The following IQGAP2 variants were observed in gnomAD, a reference collection of about 807,000 sequenced individuals.
The protein encoded by IQGAP2 is ras GTPase-activating-like protein IQGAP2.
Under a neutral mutation model 201.3 loss-of-function variants are expected in IQGAP2, and 173 were observed. The observed-to-expected ratio is 0.86, with a 90% CI of 0.76 to 0.98. The LOEUF is 0.98. Ranked by LOEUF, IQGAP2 falls within the 50% of genes least tolerant of loss-of-function variation. The pLI, the probability that IQGAP2 is intolerant of heterozygous loss-of-function variation, is 0.00. For missense variants in IQGAP2, 1,687 were observed against 1,864.8 expected, an observed-to-expected ratio of 0.90 and a Z score of 1.76; for synonymous variants, 675 against 673.9, an observed-to-expected ratio of 1.00 and a Z score of -0.03.
At chr5:76,686,762 G>T (rs1745800724) in intron 30 of IQGAP2, among the ~76,000 whole-genome samples, 2 of 152,128 alleles carry the variant, frequency 1.3e-5, no homozygotes, top group Non-Finnish European at 2.9e-5. Context: ...GCCCACCTCA[G>T]CCTCCCAAAG....
At chr5:76,534,079 A>G (rs1759484953) in intron 2 of IQGAP2, among the ~76,000 whole-genome samples, 1 of 152,172 alleles carries the variant, frequency 6.6e-6, no homozygotes, top group Non-Finnish European at 1.5e-5. Flanking sequence ...TCATGCTGTA[A>G]TAGTTGACAT....
chr5:76,684,058 C>T, intron 30 of IQGAP2, 141 bp downstream of exon 30: 1 of 643,224 alleles, frequency 1.6e-6, no homozygotes, highest in South Asian at 4.0e-5. Flanking sequence ...AAACATCTAA[C>T]CAAAGGATAA....
chr5:76,435,852 G>A (rs1273976042), intron 1 of IQGAP2, among the ~76,000 whole-genome samples: 1 of 152,122 alleles, frequency 6.6e-6, no homozygotes, highest in Non-Finnish European at 1.5e-5. Flanking sequence ...TATCATCTGT[G>A]ATTTCTTTCA....
At chr5:76,529,971 A>C (rs1192233734) in intron 2 of IQGAP2, among the ~76,000 whole-genome samples, 1 of 152,164 alleles carries the variant, frequency 6.6e-6, no homozygotes, top group East Asian at 1.9e-4. Context: ...TAAGAAGCTC[A>C]GTGGTTGCTT....
At chr5:76,604,478 T>C (rs1747661536) in intron 11 of IQGAP2, among the ~76,000 whole-genome samples, 1 of 152,024 alleles carries the variant, frequency 6.6e-6, no homozygotes, top group Non-Finnish European at 1.5e-5. Context: ...TGATTTATAA[T>C]CATATAATGG....
chr5:76,524,475 T>G (rs1211270767), intron 2 of IQGAP2, among the ~76,000 whole-genome samples: 2 of 152,190 alleles, frequency 1.3e-5, no homozygotes, highest in African/African-American at 2.4e-5. Flanking sequence ...CAGTGATATA[T>G]AAGCAAAAAT....
chr5:76,618,927 A>G (rs2069681), intron 13 of IQGAP2, among the ~76,000 whole-genome samples: 13,111 of 152,284 alleles, frequency 0.086, 1,038 homozygotes, highest in Admixed American at 0.2. Flanking sequence ...CATTATAGGC[A>G]TGTTGACTAC....
At position 76,674,565 on chromosome 5, in the gene IQGAP2, G is replaced by A. The variant is rs750424463; in HGVS notation, c.3383G>A (p.Gly1128Asp). ...GFDIIDMTAG[G>D]QINSDQRRNL... Reference sequence around the variant, plus strand: ...GATATCATCGACATGACAGCTGGAGGTCAGATAAATTCTGACCAAAGGAGA... The same window carrying A: ...GATATCATCGACATGACAGCTGGAGATCAGATAAATTCTGACCAAAGGAGA... The change falls in exon 27 of 36, where the codon GGT (glycine) becomes GAT (aspartate). Residue 1128 changes from glycine (G) to aspartate (D), a missense_variant. By Grantham distance (94) the Gly-to-Asp change is moderately conservative. Coordinates refer to ENST00000274364, the MANE Select transcript of IQGAP2 (RefSeq NM_006633.5). 19 of 1,614,086 alleles carry A rather than the reference G, an allele frequency of 1.2e-5. No homozygotes were observed. Among genetic ancestry groups the A allele is most frequent in the Non-Finnish European group, 1.5e-5 (18 of 1,179,976 alleles).
intron 12 of IQGAP2, among the ~76,000 whole-genome samples, chr5:76,610,692 C>T (rs1184845360): frequency 1.3e-5 from 2 of 152,046 alleles, no homozygotes; most frequent in Admixed American, 6.5e-5. Flanking sequence ...TGAACATTGG[C>T]TCTTTTCATT....
intron 21 of IQGAP2, 80 bp from the exon 22 acceptor site, chr5:76,664,946 G>T (rs959512214): frequency 3.8e-6 from 3 of 796,622 alleles, no homozygotes; most frequent in Non-Finnish European, 6.2e-6. Flanking sequence ...CCAATTACGT[G>T]TGTTTCAATC....
rs1308473061 is a variant in IQGAP2, at chr5:76,597,466, C to G, written c.935C>G (p.Ala312Gly). Residue 312 changes from alanine (A) to glycine (G), a missense_variant, in exon 10 of 36, where the codon GCT becomes GGT. Transcript: ENST00000274364. Reference protein sequence around the residue: ...NRQAAVDHINAVIPEGDPENT... With the variant: ...NRQAAVDHINGVIPEGDPENT... ...CAGGCTGCAGTGGACCATATCAATG[C>G]TGTCATTCCGGAAGGTGACCCCGAG... is the stretch of plus-strand genomic sequence containing the variant. 1 of 1,613,992 alleles carries G rather than the reference C, an allele frequency of 6.2e-7. No individual in the cohort carries two copies. The highest frequency in any genetic ancestry group is 8.5e-7 in the Non-Finnish European group (1 of 1,179,966).
At chr5:76,481,478 G>A (rs1181707559) in intron 2 of IQGAP2, among the ~76,000 whole-genome samples, 1 of 151,960 alleles carries the variant, frequency 6.6e-6, no homozygotes, top group Non-Finnish European at 1.5e-5. Flanking sequence ...TGCCTCCTGG[G>A]TTCAAGCAAT....
intron 2 of IQGAP2, among the ~76,000 whole-genome samples, chr5:76,523,747 A>G (rs769977696): frequency 1.3e-5 from 2 of 152,218 alleles, no homozygotes; most frequent in African/African-American, 4.8e-5. Flanking sequence ...TCTACTAAGT[A>G]GTGAAGAACT....
chr5:76,575,785 A>C lies in IQGAP2; in HGVS notation c.458+16A>C. The C allele has an allele frequency of 6.9e-7, 1 of 1,447,498 alleles. No homozygotes were observed. The highest frequency in any genetic ancestry group is 9.4e-7 in the Non-Finnish European group (1 of 1,058,842). The allele number at this position is 1,447,498 out of a possible 1,614,324, so 89.7% of individuals were successfully genotyped here. On this transcript the variant is annotated intron_variant, in intron 5 of 35. Coordinates refer to ENST00000274364, the MANE Select transcript of IQGAP2 (RefSeq NM_006633.5). ...ACGCACTGAGGTAGGGGGAAAATGC[A>C]GCTAAAAGGTGCTCTAAGAAGTAGA...
chr5:76,653,457 T>G (rs1426649031), intron 18 of IQGAP2, among the ~76,000 whole-genome samples: 1 of 152,168 alleles, frequency 6.6e-6, no homozygotes, highest in African/African-American at 2.4e-5. Flanking sequence ...AGAATCAGAT[T>G]AGTTTAAAGA....
In IQGAP2 at chr5:76,674,542, T is replaced by G; in HGVS notation, c.3360T>G (p.Asp1120Glu). The G allele has an allele frequency of 6.2e-7, 1 of 1,614,158 alleles. No individual in the cohort carries two copies. Among genetic ancestry groups the G allele is most frequent in the Non-Finnish European group, 8.5e-7 (1 of 1,180,004 alleles). Reference protein sequence around the residue: ...NPAIVAPDGFDIIDMTAGGQI... With the variant: ...NPAIVAPDGFEIIDMTAGGQI... ...CCATTGTAGCTCCAGATGGCTTTGA[T>G]ATCATCGACATGACAGCTGGAGGTC... Residue 1120 changes from aspartate to glutamate, a missense_variant, in exon 27 of 36, where the codon GAT becomes GAG. Transcript: ENST00000274364.
intron 30 of IQGAP2, among the ~76,000 whole-genome samples, chr5:76,692,413 A>G (rs1045699370): frequency 2.6e-5 from 4 of 152,288 alleles, no homozygotes; most frequent in South Asian, 4.2e-4. Flanking sequence ...CGGCCTCCCA[A>G]CATGCTGGGA....
chr5:76,597,913 T>C (rs572463207), intron 10 of IQGAP2, among the ~76,000 whole-genome samples: 1 of 152,222 alleles, frequency 6.6e-6, no homozygotes, highest in Non-Finnish European at 1.5e-5. Flanking sequence ...GCTATACCGA[T>C]GTGGTATTTT....
In IQGAP2 at chr5:76,673,935, A is replaced by G. The variant is rs1197233327; in HGVS notation, c.3210-17A>G. 1.4e-6 allele frequency: 2 copies of G among 1,416,958 alleles called. No homozygotes were observed. The highest frequency in any genetic ancestry group is 2.0e-6 in the Non-Finnish European group (2 of 1,005,888). The allele number at this position is 1,416,958 out of a possible 1,614,324, so 87.8% of individuals were successfully genotyped here. A position where few individuals can be genotyped will look rare whatever the true frequency, so the allele number is the denominator to read the frequency against. On this transcript the variant is annotated splice_polypyrimidine_tract_variant and intron_variant, in intron 25 of 35. Coordinates refer to ENST00000274364, the MANE Select transcript of IQGAP2 (RefSeq NM_006633.5). Reference sequence around the variant, plus strand: ...CTTTTTTCCATTATTTTCTTTTGTCATCTGTTTTATATGTAGTTATGGATT... The same window carrying G: ...CTTTTTTCCATTATTTTCTTTTGTCGTCTGTTTTATATGTAGTTATGGATT...
Sources: gnomAD v4.1 joint callset for allele counts (sites outside exome capture counted in the v4.1 genomes callset) on GRCh38, gnomAD v4.1.1 for gene constraint, MANE v1.5 for transcripts, NCBI Gene and HGNC (gene_info 2026-07-23, HGNC 2026-07-21) for gene names.